Variants in RFX8 observed in about 807,000 individuals in gnomAD.
RFX8 encodes DNA-binding protein RFX8.
A neutral mutation model predicts 54.6 loss-of-function variants in RFX8; 46 were observed. The ratio of observed to expected loss-of-function variants is 0.84; its 90% CI spans 0.67 to 1.08. The LOEUF (loss-of-function observed/expected upper bound fraction) is 1.08. RFX8 is among the 50% of genes least tolerant of loss of function. RFX8 has a pLI of 0.00. For missense variants in RFX8, 536 were observed against 562.3 expected (o/e 0.95, Z 0.47); for synonymous variants, 192 against 209.5 (o/e 0.92, Z 0.72).
chr2:101,467,256 A>G (rs183164535), intron 1 of RFX8, among the ~76,000 whole-genome samples: 1 of 152,328 alleles, frequency 6.6e-6, no homozygotes, highest in East Asian at 1.9e-4. Flanking sequence ...ACATAACTAC[A>G]AAGTGGAGAA....
chr2:101,434,669 C>T (rs1687672175), intron 2 of RFX8, among the ~76,000 whole-genome samples: 1 of 152,200 alleles, frequency 6.6e-6, no homozygotes, highest in Non-Finnish European at 1.5e-5. Flanking sequence ...CTTTCCCAAG[C>T]AAGGAAGGGT....
intron 2 of RFX8, among the ~76,000 whole-genome samples, chr2:101,425,753 T>G (rs566636826): frequency 1.7e-4 from 26 of 152,324 alleles, no homozygotes; most frequent in African/African-American, 6.0e-4. Flanking sequence ...AATGGAAATA[T>G]TTCCTTTACA....
chr2:101,470,076 C>A (rs1026561036), intron 1 of RFX8, among the ~76,000 whole-genome samples: 5 of 151,208 alleles, frequency 3.3e-5, no homozygotes, highest in Non-Finnish European at 4.4e-5. Context: ...CTTTGTCACC[C>A]AGTAGTTGCC....
chr2:101,454,049 G>GC (rs1308343672), intron 2 of RFX8, among the ~76,000 whole-genome samples: 4 of 128,112 alleles, frequency 3.1e-5, no homozygotes, highest in South Asian at 2.4e-4. Context: ...CACTGCCCCA[G>GC]CCCCCCACCC....
At chr2:101,459,383 A>G (rs1254398646) in intron 2 of RFX8, among the ~76,000 whole-genome samples, 1 of 152,152 alleles carries the variant, frequency 6.6e-6, no homozygotes, top group Non-Finnish European at 1.5e-5. Flanking sequence ...TTGGTGACCT[A>G]CAGATGGGGT....
intron 2 of RFX8, among the ~76,000 whole-genome samples, chr2:101,461,885 A>G (rs1212969397): frequency 2.0e-5 from 3 of 152,188 alleles, no homozygotes; most frequent in Non-Finnish European, 2.9e-5. Flanking sequence ...AATAAATGCA[A>G]GTAGAAACAG....
At chr2:101,410,587 A>G in intron 9 of RFX8, 32 bp downstream of exon 9, 5 of 1,081,682 alleles carry the variant, frequency 4.6e-6, no homozygotes, top group Non-Finnish European at 6.8e-6. Flanking sequence ...TGGTCAACAC[A>G]CTTTTTTTTT....
At chr2:101,424,760 G>T (rs1001962972) in intron 2 of RFX8, among the ~76,000 whole-genome samples, 1 of 152,032 alleles carries the variant, frequency 6.6e-6, no homozygotes, top group Admixed American at 6.6e-5. Flanking sequence ...GCAAACTATC[G>T]CAAGGACAGA....
At chr2:101,460,101 A>T (rs1168780707) in intron 2 of RFX8, among the ~76,000 whole-genome samples, 1 of 152,204 alleles carries the variant, frequency 6.6e-6, no homozygotes, top group African/African-American at 2.4e-5. Context: ...CCTTGGGAGA[A>T]GTGCAGTATT....
intron 11 of RFX8, among the ~76,000 whole-genome samples, chr2:101,401,360 G>A (rs558521209): frequency 5.9e-5 from 9 of 152,186 alleles, no homozygotes; most frequent in South Asian, 4.2e-4. Flanking sequence ...CGGAGAACTC[G>A]CAATGAGAGT....
At chr2:101,424,984 G>A (rs1687094257) in intron 2 of RFX8, among the ~76,000 whole-genome samples, 1 of 151,868 alleles carries the variant, frequency 6.6e-6, no homozygotes, top group Admixed American at 6.6e-5. Context: ...CCTGCACGTT[G>A]TGCACATGTA....
intron 7 of RFX8, among the ~76,000 whole-genome samples, chr2:101,413,714 C>T (rs1008334466): frequency 1.3e-5 from 2 of 152,166 alleles, no homozygotes; most frequent in Admixed American, 6.5e-5. Context: ...CAGGGGCAGG[C>T]TTCAGAACCC....
chr2:101,425,903 CAAAGA>C (rs1687145324), intron 2 of RFX8, among the ~76,000 whole-genome samples: 1 of 151,964 alleles, frequency 6.6e-6, no homozygotes, highest in African/African-American at 2.4e-5. Context: ...TTCAGCAAAG[CAAAGA>C]AGAGGATGGA....
chr2:101,405,511 T>G (rs960609437), intron 10 of RFX8, among the ~76,000 whole-genome samples: 7 of 152,188 alleles, frequency 4.6e-5, no homozygotes, highest in African/African-American at 1.7e-4. Flanking sequence ...AGGAAGTGAT[T>G]TGACCAGGAA....
intron 4 of RFX8, 107 bp downstream of exon 4, chr2:101,421,617 G>A: frequency 6.8e-7 from 1 of 1,473,780 alleles, no homozygotes; most frequent in East Asian, 2.5e-5. Flanking sequence ...GGTTACCATT[G>A]GACATCTGTT....
intron 2 of RFX8, among the ~76,000 whole-genome samples, chr2:101,438,518 T>C (rs1016256620): frequency 6.6e-6 from 1 of 152,248 alleles, no homozygotes; most frequent in Non-Finnish European, 1.5e-5. Context: ...TTTTGGGCTA[T>C]TACACTTAAA....
chr2:101,418,825 C>T, intron 5 of RFX8, 26 bp downstream of exon 5: 2 of 1,408,954 alleles, frequency 1.4e-6, no homozygotes, highest in Non-Finnish European at 2.0e-6. Context: ...AAAGGATATA[C>T]TCTAGAGACT....
intron 2 of RFX8, among the ~76,000 whole-genome samples, chr2:101,429,892 G>A (rs571397403): frequency 6.6e-6 from 1 of 152,276 alleles, no homozygotes; most frequent in African/African-American, 2.4e-5. Flanking sequence ...AGAGGAAAAT[G>A]GCTTTCCTTC....
intron 2 of RFX8, among the ~76,000 whole-genome samples, chr2:101,458,842 G>C (rs956155840): frequency 1.1e-4 from 17 of 152,108 alleles, no homozygotes; most frequent in African/African-American, 4.1e-4. Flanking sequence ...TCACTTTCAG[G>C]TACATCAATC....
Sources: gnomAD v4.1 joint callset for allele counts (sites outside exome capture counted in the v4.1 genomes callset) on GRCh38, gnomAD v4.1.1 for gene constraint, MANE v1.5 for transcripts, NCBI Gene and HGNC (gene_info 2026-07-23, HGNC 2026-07-21) for gene names.